SEMA4D: variants seen among roughly 807,000 people sequenced by gnomAD.
SEMA4D encodes semaphorin-4D.
In SEMA4D, 22 loss-of-function variants were observed where a neutral mutation model predicts 74.8. The ratio of observed to expected loss-of-function variants is 0.29; its 90% CI spans 0.21 to 0.42. SEMA4D has a LOEUF of 0.42. SEMA4D is among the 10% of genes least tolerant of loss of function. SEMA4D has a pLI of 1.00. For synonymous variants in SEMA4D, 445 were observed against 463.7 expected (o/e 0.96, Z 0.52); for missense variants, 937 against 1,118.4 (o/e 0.84, Z 2.31).
At chr9:89,423,707 C>T (rs1397516801) in intron 2 of SEMA4D, among the ~76,000 whole-genome samples, 1 of 151,842 alleles carries the variant, frequency 6.6e-6, no homozygotes, top group Non-Finnish European at 1.5e-5. Flanking sequence ...TTAGCACCTC[C>T]CCTCCCTCTG....
At position 89,388,972 on chromosome 9, in the gene SEMA4D, G is replaced by A. The variant is rs1419806994; in HGVS notation, c.850C>T (p.Pro284Ser). 5.0e-6 allele frequency: 8 copies of A among 1,613,978 alleles called. No homozygotes were observed. The highest frequency in any genetic ancestry group is 6.8e-6 in the Non-Finnish European group (8 of 1,180,034). Residue 284 changes from proline (P) to serine (S), a missense_variant, in exon 10 of 16, where the codon CCA (proline) becomes TCA (serine). Coordinates refer to ENST00000422704, the MANE Select transcript of SEMA4D (RefSeq NM_001371194.2). ...ACATTGAAGACCAAGCCGCTGTCTG[G>A]CCGGGAGCAGATGAGTCGGGCTTTC... ...FLKARLICSRPDSGLVFNVLR... is the reference protein window; with the variant it reads ...FLKARLICSRSDSGLVFNVLR...
intron 2 of SEMA4D, among the ~76,000 whole-genome samples, chr9:89,440,377 T>C (rs1430600633): frequency 6.6e-6 from 1 of 151,952 alleles, no homozygotes; most frequent in Non-Finnish European, 1.5e-5. Flanking sequence ...GGTCTTGACA[T>C]GCCTCTGCCA....
At chr9:89,449,872 T>G (rs772840158) in intron 2 of SEMA4D, 460 of 1,492,600 alleles carry the variant, frequency 3.1e-4, no homozygotes, top group Non-Finnish European at 4.1e-4. Context: ...GAAGGTGACT[T>G]GGTAAAAATT....
At chr9:89,419,938 GA>G (rs1846547454) in intron 2 of SEMA4D, among the ~76,000 whole-genome samples, 1 of 152,012 alleles carries the variant, frequency 6.6e-6, no homozygotes, top group African/African-American at 2.4e-5. Flanking sequence ...AAAAACACCT[GA>G]AAAACTTCTA....
chr9:89,405,797 G>A (rs765989629), intron 2 of SEMA4D, 98 bp from the exon 3 acceptor site: 79 of 1,300,808 alleles, frequency 6.1e-5, no homozygotes, highest in Non-Finnish European at 7.1e-5. Flanking sequence ...ATCCTCACCC[G>A]GGTCCATCTG....
chr9:89,405,662 A>T lies in SEMA4D; in HGVS notation c.-206T>A. The stretch of plus-strand genomic sequence containing the variant: ...GTCGCTCTCACCACCGCAATGTCAA[A>T]GCCCACTTGATACTTCTTCAGGGCC... On this transcript the variant is annotated 5_prime_UTR_variant, in exon 3 of 16. Coordinates refer to ENST00000422704, the MANE Select transcript of SEMA4D (RefSeq NM_001371194.2). 12 of 1,419,508 alleles carry T rather than the reference A, an allele frequency of 8.5e-6. No homozygotes were observed. The highest frequency in any genetic ancestry group is 1.1e-5 in the Non-Finnish European group (12 of 1,090,706). 87.9% of individuals were successfully genotyped at this position (1,419,508 alleles called of 1,614,324 possible). A position where few individuals can be genotyped will look rare whatever the true frequency, so the allele number is the denominator to read the frequency against.
intron 16 of SEMA4D, chr9:89,364,202 G>T: frequency 1.5e-6 from 1 of 681,732 alleles, no homozygotes; most frequent in East Asian, 3.0e-5. Flanking sequence ...CACCTGTGTG[G>T]CCTGTGTCCC....
chr9:89,450,660 G>GGGGAAAAAAAAAAAAAA (rs1491451024), intron 2 of SEMA4D: 2 of 380,628 alleles, frequency 5.3e-6, no homozygotes, highest in African/African-American at 1.1e-4. Flanking sequence ...AAAAACCCAG[G>GGGGAAAAAAAAAAAAAA]AAAAAAAAAA....
intron 15 of SEMA4D, among the ~76,000 whole-genome samples, chr9:89,380,537 G>C (rs897293576): frequency 2.6e-5 from 4 of 152,186 alleles, no homozygotes; most frequent in African/African-American, 7.2e-5. Context: ...GTCTTGTCAG[G>C]GTCAGGAAGA....
chr9:89,482,289 G>A lies in SEMA4D; in HGVS notation c.-310+15630C>T, dbSNP rs529629087. 3.9e-5 allele frequency among the ~76,000 whole-genome samples: 6 copies of A among 152,284 alleles called. No individual in the cohort carries two copies. The South Asian group carries it at 6.2e-4, about 16-fold the overall frequency. On this transcript the variant is annotated intron_variant, in intron 1 of 15. Transcript: ENST00000422704. ...ACACCTGGATCACTCTGACGACCAC[G>A]AGGCCAGAGTCTCAGACCATGGAAT...
chr9:89,471,505 C>T (rs1233317411), intron 1 of SEMA4D, among the ~76,000 whole-genome samples: 3 of 152,266 alleles, frequency 2.0e-5, no homozygotes, highest in African/African-American at 7.2e-5. Flanking sequence ...CTCCAGATAA[C>T]ATCACTGTCA....
intron 1 of SEMA4D, among the ~76,000 whole-genome samples, chr9:89,473,210 T>TAAC (rs778633876): frequency 6.6e-5 from 10 of 152,138 alleles, no homozygotes; most frequent in African/African-American, 2.2e-4. Context: ...AGTTGTGCTA[T>TAAC]AACAACAACA....
At chr9:89,464,091 CA>C (rs1460874689) in intron 1 of SEMA4D, among the ~76,000 whole-genome samples, 1 of 152,006 alleles carries the variant, frequency 6.6e-6, no homozygotes, top group East Asian at 1.9e-4. Flanking sequence ...GAACACCAGT[CA>C]AAAATGGAGA....
At chr9:89,487,639 A>C (rs1220271568) in intron 1 of SEMA4D, among the ~76,000 whole-genome samples, 1 of 152,216 alleles carries the variant, frequency 6.6e-6, no homozygotes, top group East Asian at 1.9e-4. Flanking sequence ...AGGGACTACA[A>C]AAAAAGCTAC....
intron 16 of SEMA4D, chr9:89,368,532 G>C (rs2132358263): frequency 6.6e-6 from 1 of 152,570 alleles, no homozygotes; most frequent in South Asian, 2.1e-4. Context: ...CTGGGGGTAT[G>C]CCCTGAGGCC....
intron 1 of SEMA4D, among the ~76,000 whole-genome samples, chr9:89,470,286 T>C (rs547661547): frequency 6.6e-6 from 1 of 152,312 alleles, no homozygotes; most frequent in East Asian, 1.9e-4. Context: ...CAAAACTCAA[T>C]ATCAAGAAAA....
At chr9:89,420,582 G>A (rs1337290892) in intron 2 of SEMA4D, among the ~76,000 whole-genome samples, 3 of 152,248 alleles carry the variant, frequency 2.0e-5, no homozygotes, top group South Asian at 2.1e-4. Context: ...ATGGCAGAAG[G>A]ACAGAGCCAC....
At chr9:89,389,601 C>T (rs1839360506) in intron 9 of SEMA4D, among the ~76,000 whole-genome samples, 1 of 152,186 alleles carries the variant, frequency 6.6e-6, no homozygotes, top group African/African-American at 2.4e-5. Context: ...AACCTAAGTT[C>T]TTTATAAACG....
At chr9:89,399,205 G>T in intron 5 of SEMA4D, 71 bp downstream of exon 5, 1 of 1,313,278 alleles carries the variant, frequency 7.6e-7, no homozygotes, top group Non-Finnish European at 1.1e-6. Flanking sequence ...CAGGCATGCT[G>T]GCATTCAGTA....
Sources: allele counts gnomAD v4.1 joint callset (sites outside exome capture counted in the v4.1 genomes callset), GRCh38; gene constraint gnomAD v4.1.1; transcripts MANE v1.5; gene names NCBI Gene and HGNC (gene_info 2026-07-23, HGNC 2026-07-21).